Variants in ELAPOR2 observed in about 807,000 individuals in gnomAD.
ELAPOR2 encodes endosome/lysosome-associated apoptosis and autophagy regulator family member 2.
A neutral mutation model predicts 120.7 loss-of-function variants in ELAPOR2; 89 were observed. The observed-to-expected ratio is 0.74, with a 90% CI of 0.62 to 0.88. The LOEUF is 0.88. Ranked by LOEUF, ELAPOR2 falls within the 40% of genes least tolerant of loss-of-function variation. The pLI, the probability that ELAPOR2 is intolerant of heterozygous loss-of-function variation, is 0.00. For synonymous variants in ELAPOR2, 444 were observed against 444.9 expected (o/e 1.00, Z 0.03); for missense variants, 1,134 against 1,251.6 (o/e 0.91, Z 1.42).
Position 86,890,152 on chromosome 7 carries a change from A to C in ELAPOR2, c.3030+1572T>G, listed in dbSNP as rs190222404. 2.3e-4 allele frequency among the ~76,000 whole-genome samples: 35 copies of C among 152,098 alleles called. No homozygotes were observed. The South Asian group carries it at 5.2e-3, about 23-fold the overall frequency. On this transcript the variant is annotated intron_variant, in intron 21 of 21. Coordinates refer to ENST00000450689, the MANE Select transcript of ELAPOR2 (RefSeq NM_001142749.3). ...AACATGGTATAAAAATGAGGTTTGG[A>C]TGTTGTTGGAGACAATTCTCCATGG...
chr7:86,926,974 A>AC (rs2116236862), intron 8 of ELAPOR2, 58 bp from the exon 9 acceptor site: 1 of 1,405,106 alleles, frequency 7.1e-7, no homozygotes, highest in Non-Finnish European at 9.3e-7. Context: ...TTATAACAAA[A>AC]ATCTTAAACT....
intron 2 of ELAPOR2, among the ~76,000 whole-genome samples, chr7:86,962,125 C>T (rs1352336187): frequency 6.6e-6 from 1 of 152,132 alleles, no homozygotes; most frequent in Non-Finnish European, 1.5e-5. Flanking sequence ...CTCAGAGGAG[C>T]CTTGCAGCCA....
intron 1 of ELAPOR2, among the ~76,000 whole-genome samples, chr7:86,993,412 A>G (rs1351217686): frequency 6.6e-6 from 1 of 152,120 alleles, no homozygotes; most frequent in Non-Finnish European, 1.5e-5. Context: ...TGCCCTCTAG[A>G]GGAACAAATA....
chr7:86,916,955 ATTTTTTT>A (rs58682563), intron 12 of ELAPOR2, among the ~76,000 whole-genome samples: 3 of 86,684 alleles, frequency 3.5e-5, no homozygotes, highest in South Asian at 7.0e-4. Context: ...TGGCCAGCTA[ATTTTTTT>A]TTTTTTTTTT....
Position 87,051,010 on chromosome 7 carries a change from A to C in ELAPOR2, c.189+8315T>G, listed in dbSNP as rs527501578. On this transcript the variant is annotated intron_variant, in intron 1 of 21. Coordinates refer to ENST00000450689, the MANE Select transcript of ELAPOR2 (RefSeq NM_001142749.3). ...GTTCAGTTTGGTACCTGTCAGATTTAAGGTACTTATACAAGTGGTGACACC... is the reference window on the plus strand; with the variant it reads ...GTTCAGTTTGGTACCTGTCAGATTTCAGGTACTTATACAAGTGGTGACACC... Among the ~76,000 whole-genome samples, 9 of 152,346 alleles carry C rather than the reference A, an allele frequency of 5.9e-5. 1 individual carries two copies. Among genetic ancestry groups the C allele is most frequent in the African/African-American group, 2.2e-4 (9 of 41,580 alleles).
At chr7:86,961,530 G>A (rs908867097) in intron 2 of ELAPOR2, among the ~76,000 whole-genome samples, 6 of 152,204 alleles carry the variant, frequency 3.9e-5, no homozygotes, top group African/African-American at 1.4e-4. Context: ...GGTTTGGTTT[G>A]AAGCAAAAGG....
intron 8 of ELAPOR2, among the ~76,000 whole-genome samples, chr7:86,931,269 C>T (rs911915195): frequency 6.6e-6 from 1 of 151,772 alleles, no homozygotes; most frequent in Admixed American, 6.6e-5. Context: ...GAAGAGAGTA[C>T]GTTCACAAAT....
At chr7:87,010,361 ACTAC>A (rs1793616014) in intron 1 of ELAPOR2, among the ~76,000 whole-genome samples, 1 of 152,236 alleles carries the variant, frequency 6.6e-6, no homozygotes, top group South Asian at 2.1e-4. Flanking sequence ...TATCAGAAGT[ACTAC>A]CTATGTCTTT....
chr7:86,880,358 T>TCCTCTGTGAGA lies in ELAPOR2; in HGVS notation c.*102_*112dup. 1 of 794,444 alleles carries TCCTCTGTGAGA rather than the reference T, an allele frequency of 1.3e-6. No individual in the cohort carries two copies. The highest frequency in any genetic ancestry group is 1.5e-5 in the South Asian group (1 of 65,936). The allele number at this position is 794,444 out of a possible 1,614,324, so 49.2% of individuals were successfully genotyped here. A position where few individuals can be genotyped will look rare whatever the true frequency, so the allele number is the denominator to read the frequency against. On this transcript the variant is annotated 3_prime_UTR_variant, in exon 22 of 22. Transcript: ENST00000450689. ...CCTTCCCTTTTCAGCGGCATGGCCCTCCTCTGTGAGATCACCAATGTGACA... is the reference window on the plus strand; with the variant it reads ...CCTTCCCTTTTCAGCGGCATGGCCCTCCTCTGTGAGACCTCTGTGAGATCACCAATGTGACA...
chr7:86,974,614 T>TGTGTGTGTGC, intron 1 of ELAPOR2, among the ~76,000 whole-genome samples: 1 of 151,518 alleles, frequency 6.6e-6, no homozygotes, highest in African/African-American at 2.4e-5. Context: ...TGTGTGTGTG[T>TGTGTGTGTGC]GTGTGTTGGA....
chr7:86,918,014 T>C (rs1301907816), intron 12 of ELAPOR2, among the ~76,000 whole-genome samples: 2 of 152,156 alleles, frequency 1.3e-5, no homozygotes, highest in African/African-American at 4.8e-5. Flanking sequence ...TTTTTCTAAA[T>C]GCTCTCTTCT....
At chr7:86,893,528 G>A (rs1320167189) in intron 19 of ELAPOR2, among the ~76,000 whole-genome samples, 1 of 151,714 alleles carries the variant, frequency 6.6e-6, no homozygotes, top group Non-Finnish European at 1.5e-5. Flanking sequence ...TAAGAAATGG[G>A]TTGCATTCAC....
chr7:86,946,436 G>C (rs1791012149), intron 3 of ELAPOR2, among the ~76,000 whole-genome samples: 2 of 152,172 alleles, frequency 1.3e-5, no homozygotes, highest in Non-Finnish European at 2.9e-5. Flanking sequence ...GCCCAGACTG[G>C]AGTGCAATGG....
At position 87,059,317 on chromosome 7, in the gene ELAPOR2, C is replaced by A. The variant is rs898728565; in HGVS notation, c.189+8G>T. On this transcript the variant is annotated splice_region_variant and intron_variant, in intron 1 of 21. Transcript: ENST00000450689. ...CAAACTCCAGGTAGAGGACCAGGTG[C>A]TGCTCACCTCCTGGCAAGGAGGAAG... is the stretch of plus-strand genomic sequence containing the variant. 32 of 1,248,324 alleles carry A rather than the reference C, an allele frequency of 2.6e-5. No individual in the cohort carries two copies. Among genetic ancestry groups the A allele is most frequent in the Non-Finnish European group, 3.2e-5 (32 of 988,542 alleles). The allele number at this position is 1,248,324 out of a possible 1,614,324, so 77.3% of individuals were successfully genotyped here. A position where few individuals can be genotyped will look rare whatever the true frequency, so the allele number is the denominator to read the frequency against.
In ELAPOR2 at chr7:86,893,016, C is replaced by T. The variant is rs141415743; in HGVS notation, c.2770G>A (p.Val924Ile). ...GCTCCCACCTTCAGCCAAAAGTCAACCGTTTCACAGGTTGCCAACTTTTTC... is the reference window on the plus strand; with the variant it reads ...GCTCCCACCTTCAGCCAAAAGTCAATCGTTTCACAGGTTGCCAACTTTTTC... ...PEKKLATCET[V>I]DFWLKVGAGV... Residue 924 changes from valine to isoleucine, a missense_variant, in exon 20 of 22, where the codon GTT becomes ATT. Physicochemically the swap from Val to Ile is conservative, Grantham distance 29. Coordinates refer to ENST00000450689, the MANE Select transcript of ELAPOR2 (RefSeq NM_001142749.3). 11 of 1,586,574 alleles carry T rather than the reference C, an allele frequency of 6.9e-6. No homozygotes were observed. In the African/African-American group the frequency reaches 1.5e-4, roughly 22 times the overall value.
At chr7:86,930,967 T>C (rs1790299239) in intron 8 of ELAPOR2, among the ~76,000 whole-genome samples, 1 of 151,886 alleles carries the variant, frequency 6.6e-6, no homozygotes, top group Non-Finnish European at 1.5e-5. Flanking sequence ...CTGAAAAAGG[T>C]TGTAGTCTAA....
chr7:87,029,485 G>T (rs1233823882), intron 1 of ELAPOR2, among the ~76,000 whole-genome samples: 1 of 152,132 alleles, frequency 6.6e-6, no homozygotes, highest in Admixed American at 6.5e-5. Flanking sequence ...CTTAAAGAAA[G>T]GATTGTGCTT....
chr7:86,948,903 CA>C (rs1305249360), intron 2 of ELAPOR2, among the ~76,000 whole-genome samples: 1 of 152,074 alleles, frequency 6.6e-6, no homozygotes, highest in African/African-American at 2.4e-5. Flanking sequence ...CCAAATTACC[CA>C]GTGAAGAAAA....
Position 86,878,307 on chromosome 7 carries a change from C to A in ELAPOR2, c.*2164G>T, listed in dbSNP as rs1799246616. 1 of 152,114 alleles carries A rather than the reference C, an allele frequency of 6.6e-6. No individual in the cohort carries two copies. The highest frequency in any genetic ancestry group is 1.5e-5 in the Non-Finnish European group (1 of 68,000). 9.4% of individuals were successfully genotyped at this position (152,114 alleles called of 1,614,324 possible). On this transcript the variant is annotated 3_prime_UTR_variant, in exon 22 of 22. Coordinates refer to ENST00000450689, the MANE Select transcript of ELAPOR2 (RefSeq NM_001142749.3). ...TTCTTCAGTGCTTGAAATAAAATGA[C>A]AAACCACTGGAATCCAAGGGAAAAA...
Sources: gnomAD v4.1 joint callset for allele counts (sites outside exome capture counted in the v4.1 genomes callset) on GRCh38, gnomAD v4.1.1 for gene constraint, MANE v1.5 for transcripts, NCBI Gene and HGNC (gene_info 2026-07-23, HGNC 2026-07-21) for gene names.